The following KHDRBS2 variants were observed in gnomAD, a reference collection of about 807,000 sequenced individuals.
KHDRBS2 encodes the protein KH RNA binding domain containing, signal transduction associated 2.
KHDRBS2 carries 26 observed loss-of-function variants against 44.3 expected under a neutral mutation model. The ratio of observed to expected loss-of-function variants is 0.59; its 90% confidence interval spans 0.43 to 0.81. KHDRBS2 has a LOEUF of 0.81. KHDRBS2 is among the 40% of genes least tolerant of loss of function. The pLI is 0.00. For missense variants in KHDRBS2, 476 were observed against 433.1 expected (o/e 1.10, Z -0.88); for synonymous variants, 194 against 151.1 (o/e 1.28, Z -2.08).
chr6:62,051,824 C>A (rs1242845910), intron 2 of KHDRBS2, among the ~76,000 whole-genome samples: 1 of 151,604 alleles, frequency 6.6e-6, no homozygotes, highest in African/African-American at 2.4e-5. Flanking sequence ...GGCAAAAGAT[C>A]TAAATAGACA....
the KHDRBS2 span, among the ~76,000 whole-genome samples, chr6:61,554,085 T>G: frequency 1.3e-5 from 2 of 152,192 alleles, no homozygotes; most frequent in African/African-American, 2.4e-5. Context: ...GATCGTCTTA[T>G]ATTGCTATTG....
chr6:62,111,074 A>C (rs1177907580), intron 2 of KHDRBS2, among the ~76,000 whole-genome samples: 1 of 152,236 alleles, frequency 6.6e-6, no homozygotes, highest in African/African-American at 2.4e-5. Flanking sequence ...AACTTGTAAC[A>C]ACCAAGTTTA....
intron 1 of KHDRBS2, among the ~76,000 whole-genome samples, chr6:62,210,776 CAT>C (rs1828913369): frequency 1.3e-5 from 2 of 151,846 alleles, no homozygotes; most frequent in African/African-American, 2.4e-5. Context: ...TAAATAATAA[CAT>C]AATCATTAAT....
intron 6 of KHDRBS2, among the ~76,000 whole-genome samples, chr6:61,790,663 ATT>A (rs2127585269): frequency 6.6e-6 from 1 of 151,624 alleles, no homozygotes; most frequent in Admixed American, 6.6e-5. Context: ...TTTTAAAATT[ATT>A]GTTATTCATT....
chr6:61,845,538 T>C (rs140817244), intron 6 of KHDRBS2, among the ~76,000 whole-genome samples: 16 of 152,304 alleles, frequency 1.1e-4, no homozygotes, highest in African/African-American at 3.6e-4. Flanking sequence ...CTCGATCTCT[T>C]GACCTTGTGT....
chr6:62,079,067 A>T (rs1172132067), intron 2 of KHDRBS2, among the ~76,000 whole-genome samples: 2 of 151,942 alleles, frequency 1.3e-5, no homozygotes, highest in Admixed American at 6.6e-5. Flanking sequence ...GGACATATCT[A>T]AAAAAATTGC....
At chr6:62,031,725 A>G (rs914369837) in intron 3 of KHDRBS2, among the ~76,000 whole-genome samples, 1 of 152,052 alleles carries the variant, frequency 6.6e-6, no homozygotes, top group African/African-American at 2.4e-5. Context: ...ACAAGAGAAC[A>G]CCAGGTAGAC....
chr6:62,187,044 T>C (rs990286143), intron 1 of KHDRBS2, among the ~76,000 whole-genome samples: 2 of 152,118 alleles, frequency 1.3e-5, no homozygotes, highest in African/African-American at 2.4e-5. Flanking sequence ...AAGTAGCAGA[T>C]CTTACATTGA....
chr6:61,960,846 C>T (rs745913006), intron 4 of KHDRBS2, among the ~76,000 whole-genome samples: 1 of 152,024 alleles, frequency 6.6e-6, no homozygotes, highest in Non-Finnish European at 1.5e-5. Context: ...TGAGGTATCT[C>T]GTTCAGGGTA....
chr6:61,855,935 T>TC (rs1187641434), intron 6 of KHDRBS2, among the ~76,000 whole-genome samples: 9 of 152,044 alleles, frequency 5.9e-5, no homozygotes, highest in Non-Finnish European at 1.2e-4. Flanking sequence ...TATTGGGATC[T>TC]CCTCTTAATA....
Position 61,907,686 on chromosome 6 carries a change from T to C in KHDRBS2, c.484-6315A>G, listed in dbSNP as rs528463881. Among the ~76,000 whole-genome samples the C allele has an allele frequency of 9.2e-5, 14 of 152,352 alleles. No homozygotes were observed. In the East Asian group the frequency reaches 2.7e-3, roughly 29 times the overall value. ...ACTGTCTTTTCCCTAATGTATGTTC[T>C]TGGTACCTTTGTTCTTGTGCATTGT... is the stretch of plus-strand genomic sequence containing the variant. On this transcript the variant is annotated intron_variant, in intron 4 of 8. Transcript: ENST00000281156.
At chr6:62,179,026 T>C (rs1315158430) in intron 1 of KHDRBS2, among the ~76,000 whole-genome samples, 1 of 151,656 alleles carries the variant, frequency 6.6e-6, no homozygotes, top group Admixed American at 6.6e-5. Flanking sequence ...TTTTGTTTTT[T>C]GTTATTCTAT....
intron 6 of KHDRBS2, among the ~76,000 whole-genome samples, chr6:61,815,205 T>C (rs1788725405): frequency 6.6e-6 from 1 of 151,986 alleles, no homozygotes; most frequent in African/African-American, 2.4e-5. Flanking sequence ...GTAGCAAGCA[T>C]GTGGCATATA....
intron 6 of KHDRBS2, among the ~76,000 whole-genome samples, chr6:61,853,936 A>G (rs561525693): frequency 6.6e-6 from 1 of 152,300 alleles, no homozygotes; most frequent in East Asian, 1.9e-4. Context: ...TTTTTTAGAA[A>G]CTGCCACAGA....
rs1240134637 is a variant in KHDRBS2, at chr6:61,894,627, G to A, written c.810+8C>T. Reference sequence around the variant, plus strand: ...CATCCTTACAACTTATTTCTTAAGAGTACTTACATATTCTTCATAAGCTTC... The same window carrying A: ...CATCCTTACAACTTATTTCTTAAGAATACTTACATATTCTTCATAAGCTTC... On this transcript the variant is annotated splice_region_variant and intron_variant, in intron 6 of 8. Transcript: ENST00000281156. 8.7e-6 allele frequency: 14 copies of A among 1,604,596 alleles called. No homozygotes were observed. Among genetic ancestry groups the A allele is most frequent in the Admixed American group, 1.7e-5 (1 of 58,708 alleles).
intron 3 of KHDRBS2, among the ~76,000 whole-genome samples, chr6:62,031,321 C>T (rs1439406614): frequency 6.6e-6 from 1 of 152,042 alleles, no homozygotes; most frequent in Non-Finnish European, 1.5e-5. Flanking sequence ...AGACTCAGTA[C>T]ATTCCCAGTT....
chr6:62,106,314 G>T (rs1562874046), intron 2 of KHDRBS2, among the ~76,000 whole-genome samples: 2 of 152,148 alleles, frequency 1.3e-5, no homozygotes, highest in East Asian at 3.9e-4. Context: ...GCAGAGCTGA[G>T]TTCAATTCCA....
chr6:61,673,250 C>A, the KHDRBS2 span, among the ~76,000 whole-genome samples: 3 of 152,004 alleles, frequency 2.0e-5, no homozygotes, highest in South Asian at 2.1e-4. Flanking sequence ...GTTACTGTAG[C>A]CTTGTAGTAT....
At chr6:61,753,006 C>A (rs1777945570) in intron 6 of KHDRBS2, among the ~76,000 whole-genome samples, 1 of 152,082 alleles carries the variant, frequency 6.6e-6, no homozygotes, top group Non-Finnish European at 1.5e-5. Context: ...AGTTACCTTT[C>A]ATTGGGTATT....
Sources: gnomAD v4.1 joint callset for allele counts (sites outside exome capture counted in the v4.1 genomes callset) on GRCh38, gnomAD v4.1.1 for gene constraint, MANE v1.5 for transcripts, NCBI Gene and HGNC (gene_info 2026-07-23, HGNC 2026-07-21) for gene names.